MMAA: variants seen among roughly 807,000 people sequenced by gnomAD.
The protein encoded by MMAA is methylmalonic aciduria type A protein, mitochondrial.
A neutral mutation model predicts 45.0 loss-of-function variants in MMAA; 41 were observed. The ratio of observed to expected loss-of-function variants is 0.91; its 90% CI spans 0.71 to 1.18. The LOEUF is 1.18. Among genes scored for constraint, MMAA ranks in the 50% most tolerant of loss-of-function variants. The probability of loss-of-function intolerance (pLI) is 0.00; values close to 1 mark genes in which losing one functional copy is unlikely to be tolerated. For synonymous variants in MMAA, 154 were observed against 178.2 expected (o/e 0.86, Z 1.08); for missense variants, 460 against 495.7 (o/e 0.93, Z 0.68).
intron 1 of MMAA, among the ~76,000 whole-genome samples, chr4:145,629,380 A>G (rs973587522): frequency 6.6e-6 from 1 of 152,144 alleles, no homozygotes; most frequent in Non-Finnish European, 1.5e-5. Flanking sequence ...CTTGTACCCC[A>G]GGGATAAATC....
Position 145,658,822 on chromosome 4 carries a change from A to T in MMAA, c.*3388A>T, listed in dbSNP as rs1728307575. The T allele has an allele frequency of 6.6e-6, 1 of 152,234 alleles. No individual in the cohort carries two copies. Among genetic ancestry groups the T allele is most frequent in the Admixed American group, 6.5e-5 (1 of 15,286 alleles). 9.4% of individuals were successfully genotyped at this position (152,234 alleles called of 1,614,324 possible). A position where few individuals can be genotyped will look rare whatever the true frequency, so the allele number is the denominator to read the frequency against. On this transcript the variant is annotated 3_prime_UTR_variant, in exon 7 of 7. Transcript: ENST00000649156. ...AACTACCAGTAAACTGTGAAGACAG[A>T]AGTAACTCCTGTGATCTATATGTTT...
rs751609803 is a variant in MMAA, at chr4:145,639,080, T to A, written c.-60T>A. On this transcript the variant is annotated 5_prime_UTR_variant, in exon 2 of 7. Coordinates refer to ENST00000649156, the MANE Select transcript of MMAA (RefSeq NM_172250.3). The stretch of plus-strand genomic sequence containing the variant: ...CATGTTTTTCTTTCTTCTAGGGAGG[T>A]CACAATCACATTGAGCCAAAACGCA... 1.3e-5 allele frequency: 19 copies of A among 1,507,982 alleles called. No individual in the cohort carries two copies. Among genetic ancestry groups the A allele is most frequent in the Admixed American group, 3.3e-5 (2 of 59,832 alleles). The allele number at this position is 1,507,982 out of a possible 1,614,324, so 93.4% of individuals were successfully genotyped here.
intron 3 of MMAA, among the ~76,000 whole-genome samples, chr4:145,644,361 A>G (rs990587631): frequency 6.6e-5 from 10 of 152,230 alleles, no homozygotes; most frequent in African/African-American, 2.2e-4. Context: ...TATGGGGTAC[A>G]TGTGTGGTCT....
At chr4:145,647,336 C>T (rs1003045384) in intron 4 of MMAA, among the ~76,000 whole-genome samples, 3 of 152,060 alleles carry the variant, frequency 2.0e-5, no homozygotes, top group Non-Finnish European at 2.9e-5. Flanking sequence ...ATTAGGTATC[C>T]GAGTGACTGT....
At position 145,657,632 on chromosome 4, in the gene MMAA, C is replaced by T. The variant is rs1368367251; in HGVS notation, c.*2198C>T. ...ATTTAGAAATTGTACAGTGCTTAGC[C>T]TCAATAATTGGTAGGTGGTGGTGTA... On this transcript the variant is annotated 3_prime_UTR_variant, in exon 7 of 7. Coordinates refer to ENST00000649156, the MANE Select transcript of MMAA (RefSeq NM_172250.3). The T allele has an allele frequency of 1.3e-5, 2 of 152,136 alleles. No individual in the cohort carries two copies. Among genetic ancestry groups the T allele is most frequent in the Non-Finnish European group, 2.9e-5 (2 of 68,028 alleles). The allele number at this position is 152,136 out of a possible 1,614,324, so 9.4% of individuals were successfully genotyped here.
Position 145,636,010 on chromosome 4 carries a change from C to T in MMAA, c.-65-3065C>T, listed in dbSNP as rs184117638. ...GTGATCACTCAGCTCTCTCAGTGTT[C>T]TTTCCCCCTTCTGTTAAATGAAAAT... On this transcript the variant is annotated intron_variant, in intron 1 of 6. Coordinates refer to ENST00000649156, the MANE Select transcript of MMAA (RefSeq NM_172250.3). Among the ~76,000 whole-genome samples the T allele has an allele frequency of 5.3e-5, 8 of 152,304 alleles. No homozygotes were observed. The East Asian group carries it at 1.5e-3, about 29-fold the overall frequency.
chr4:145,645,599 T>G (rs1385061705), intron 3 of MMAA, among the ~76,000 whole-genome samples: 1 of 152,134 alleles, frequency 6.6e-6, no homozygotes, highest in African/African-American at 2.4e-5. Flanking sequence ...GCAGGAGAGA[T>G]ACTTCTGGCA....
chr4:145,628,171 T>C (rs1417075546), intron 1 of MMAA, among the ~76,000 whole-genome samples: 1 of 152,236 alleles, frequency 6.6e-6, no homozygotes, highest in African/African-American at 2.4e-5. Context: ...GAGTAGTTAT[T>C]AGGCATTTCT....
intron 1 of MMAA, among the ~76,000 whole-genome samples, chr4:145,630,967 C>A (rs1734324809): frequency 6.6e-6 from 1 of 152,054 alleles, no homozygotes; most frequent in South Asian, 2.1e-4. Flanking sequence ...ACCACAATTC[C>A]TCTTGTTATT....
At chr4:145,642,522 TG>T in intron 3 of MMAA, 37 bp downstream of exon 3, 1 of 1,613,340 alleles carries the variant, frequency 6.2e-7, no homozygotes, top group African/African-American at 1.3e-5. Context: ...TGCAGAGGTC[TG>T]GGGGCTTTCT....
At position 145,642,568 on chromosome 4, in the gene MMAA, A is replaced by G. The variant is rs1727817954; in HGVS notation, c.562+83A>G. On this transcript the variant is annotated intron_variant, in intron 3 of 6. Transcript: ENST00000649156. ...TAGTAGGAATTGGCACAGTTGGGTGACCTCTAACTGCTAGCTAAGTTTGGT... is the reference window on the plus strand; with the variant it reads ...TAGTAGGAATTGGCACAGTTGGGTGGCCTCTAACTGCTAGCTAAGTTTGGT... 3 of 1,575,316 alleles carry G rather than the reference A, an allele frequency of 1.9e-6. No individual in the cohort carries two copies. The African/African-American group carries it at 4.0e-5, about 21-fold the overall frequency.
intron 1 of MMAA, chr4:145,624,530 G>C (rs762292484): frequency 1.8e-6 from 2 of 1,114,364 alleles, no homozygotes; most frequent in African/African-American, 3.1e-5. Context: ...ACAAGGTGCT[G>C]TTCTTTATGA....
intron 1 of MMAA, among the ~76,000 whole-genome samples, chr4:145,629,681 C>T (rs758188467): frequency 5.3e-5 from 8 of 152,142 alleles, no homozygotes; most frequent in Non-Finnish European, 1.2e-4. Flanking sequence ...TACAGTTCCA[C>T]ATGGCTGGGG....
chr4:145,650,161 G>A (rs1243448680), intron 4 of MMAA, among the ~76,000 whole-genome samples: 1 of 152,144 alleles, frequency 6.6e-6, no homozygotes, highest in Non-Finnish European at 1.5e-5. Flanking sequence ...TTTGTTTTAT[G>A]TGGCTTTAAG....
chr4:145,653,002 TG>T (rs1560802026), intron 5 of MMAA, among the ~76,000 whole-genome samples: 1 of 151,992 alleles, frequency 6.6e-6, no homozygotes, highest in African/African-American at 2.4e-5. Flanking sequence ...CCCAGGTAGC[TG>T]GGACTACAGC....
At chr4:145,646,232 T>C in intron 4 of MMAA, 76 bp downstream of exon 4, 2 of 1,557,436 alleles carry the variant, frequency 1.3e-6, no homozygotes, top group Non-Finnish European at 1.8e-6. Context: ...AACTTATTTT[T>C]GTTCATTCAG....
In MMAA at chr4:145,624,788, T is replaced by C. The variant is rs1380007094; in HGVS notation, c.-66+5381T>C. ...CATCATACACGCACTCTGCAAAGCTTATGCAGGGCTCATTGGCTCTGCACA... is the reference window on the plus strand; with the variant it reads ...CATCATACACGCACTCTGCAAAGCTCATGCAGGGCTCATTGGCTCTGCACA... On this transcript the variant is annotated intron_variant, in intron 1 of 6. Coordinates refer to ENST00000649156, the MANE Select transcript of MMAA (RefSeq NM_172250.3). 1.9e-6 allele frequency: 3 copies of C among 1,605,916 alleles called. No homozygotes were observed. In the South Asian group the frequency reaches 3.3e-5, roughly 18 times the overall value.
At chr4:145,642,544 A>C (rs1727817021) in intron 3 of MMAA, 59 bp downstream of exon 3, 1 of 1,610,590 alleles carries the variant, frequency 6.2e-7, no homozygotes, top group Non-Finnish European at 8.5e-7. Context: ...GTTACAATTT[A>C]GTAGGAATTG....
At chr4:145,650,859 G>A (rs1728068350) in intron 4 of MMAA, 1 of 603,970 alleles carries the variant, frequency 1.7e-6, no homozygotes, top group East Asian at 2.9e-5. Flanking sequence ...GAGCGGGAGA[G>A]CTGGGAAGGA....
Sources: gnomAD v4.1 joint callset for allele counts (sites outside exome capture counted in the v4.1 genomes callset) on GRCh38, gnomAD v4.1.1 for gene constraint, MANE v1.5 for transcripts, NCBI Gene and HGNC (gene_info 2026-07-23, HGNC 2026-07-21) for gene names.